The following DZIP1L variants were observed in gnomAD, a reference collection of about 807,000 sequenced individuals.
DZIP1L encodes DAZ interacting zinc finger protein 1 like, also known as cilium assembly protein DZIP1L.
In DZIP1L, 90 loss-of-function variants were observed where a neutral mutation model predicts 88.7. The observed-to-expected ratio is 1.02, with a 90% CI of 0.86 to 1.21. The LOEUF is 1.21. Among genes scored for constraint, DZIP1L ranks in the 50% most tolerant of loss-of-function variants. The probability of loss-of-function intolerance (pLI) is 0.00; values close to 1 mark genes in which losing one functional copy is unlikely to be tolerated. For missense variants in DZIP1L, 932 were observed against 955.8 expected (o/e 0.98, Z 0.33); for synonymous variants, 363 against 372.1 (o/e 0.98, Z 0.28).
chr3:138,108,628 C>T (rs1190310527), intron 1 of DZIP1L, among the ~76,000 whole-genome samples: 4 of 152,298 alleles, frequency 2.6e-5, no homozygotes, highest in East Asian at 3.9e-4. Flanking sequence ...CTACTATAGG[C>T]TTGCTCTAGG....
chr3:138,113,048 C>T (rs1379973490), intron 1 of DZIP1L, among the ~76,000 whole-genome samples: 1 of 152,210 alleles, frequency 6.6e-6, no homozygotes, highest in Non-Finnish European at 1.5e-5. Context: ...ACTTCCCATT[C>T]CTAGACCAAT....
At chr3:138,104,299 G>A (rs1046334716) in intron 1 of DZIP1L, among the ~76,000 whole-genome samples, 17 of 152,226 alleles carry the variant, frequency 1.1e-4, no homozygotes, top group Non-Finnish European at 1.3e-4. Flanking sequence ...TGTGTCTAAG[G>A]AGGAACATGG....
At chr3:138,086,288 G>A (rs1195214666) in intron 7 of DZIP1L, among the ~76,000 whole-genome samples, 1 of 151,126 alleles carries the variant, frequency 6.6e-6, no homozygotes, top group Non-Finnish European at 1.5e-5. Context: ...AAAAGAAAAT[G>A]CTTCAGATAA....
intron 11 of DZIP1L, among the ~76,000 whole-genome samples, chr3:138,075,181 A>AG (rs1943346683): frequency 6.6e-6 from 1 of 152,264 alleles, no homozygotes; most frequent in Admixed American, 6.5e-5. Context: ...CGAAGAAATG[A>AG]GATAGACAGC....
chr3:138,109,388 T>A (rs1221952762), intron 1 of DZIP1L, among the ~76,000 whole-genome samples: 1 of 152,198 alleles, frequency 6.6e-6, no homozygotes. Flanking sequence ...CTGGCTCCAG[T>A]CTGGGCTAGC....
chr3:138,076,961 T>C (rs1019720290), intron 11 of DZIP1L, among the ~76,000 whole-genome samples: 1 of 152,032 alleles, frequency 6.6e-6, no homozygotes, highest in Non-Finnish European at 1.5e-5. Context: ...CATACATACA[T>C]GTATATACAT....
Position 138,095,974 on chromosome 3 carries a change from T to C in DZIP1L, c.587-991A>G, listed in dbSNP as rs574852811. 3.3e-5 allele frequency among the ~76,000 whole-genome samples: 5 copies of C among 152,330 alleles called. No homozygotes were observed. In the South Asian group the frequency reaches 6.2e-4, roughly 19 times the overall value. On this transcript the variant is annotated intron_variant, in intron 3 of 15. Transcript: ENST00000327532. The stretch of plus-strand genomic sequence containing the variant: ...TAAGGGTCAAAAAAGAATACAATTA[T>C]TCTTGAACATTTGTTACTTTTTAAA...
chr3:138,096,148 T>A (rs902147033), intron 3 of DZIP1L, among the ~76,000 whole-genome samples: 3 of 152,210 alleles, frequency 2.0e-5, no homozygotes, highest in Non-Finnish European at 4.4e-5. Context: ...AATAACATGA[T>A]TTGAGGCGAC....
rs1438500703 is a variant in DZIP1L at position 138,103,980 on chromosome 3, G to A, written c.-9C>T. 7 of 1,605,364 alleles carry A rather than the reference G, an allele frequency of 4.4e-6. No homozygotes were observed. The highest frequency in any genetic ancestry group is 2.7e-5 in the African/African-American group (2 of 74,984). ...GCAGCTGGGGACTGCATGGGCAGAG[G>A]AAGCCCTGAGCTGACCACCAGAGGA... On this transcript the variant is annotated 5_prime_UTR_variant, in exon 2 of 16. Transcript: ENST00000327532.
At chr3:138,092,348 C>A (rs1278386159) in intron 5 of DZIP1L, 35 bp downstream of exon 5, 2 of 1,490,064 alleles carry the variant, frequency 1.3e-6, no homozygotes, top group Non-Finnish European at 8.9e-7. Context: ...AGATTTCCAA[C>A]AAAGAAACTT....
intron 1 of DZIP1L, among the ~76,000 whole-genome samples, chr3:138,105,593 A>C (rs2042458804): frequency 6.6e-6 from 1 of 152,136 alleles, no homozygotes; most frequent in Non-Finnish European, 1.5e-5. Flanking sequence ...ATACTTAATT[A>C]TTTAGGAATA....
At chr3:138,068,121 T>C in intron 13 of DZIP1L, 30 bp downstream of exon 13, 1 of 1,454,558 alleles carries the variant, frequency 6.9e-7, no homozygotes, top group Non-Finnish European at 9.1e-7. Flanking sequence ...CCACTGCAGG[T>C]GGGGTGAGAG....
At chr3:138,101,703 A>G (rs1258741636) in intron 2 of DZIP1L, 12 of 817,386 alleles carry the variant, frequency 1.5e-5, no homozygotes, top group African/African-American at 3.3e-5. Context: ...TTGTATGGAT[A>G]CTTGTGTTCT....
chr3:138,097,605 G>GCCC (rs1944538774), intron 3 of DZIP1L, among the ~76,000 whole-genome samples, 158 bp downstream of exon 3: 3 of 152,204 alleles, frequency 2.0e-5, no homozygotes, highest in African/African-American at 7.2e-5. Flanking sequence ...ACCCATGTGG[G>GCCC]CTCCCCCGGT....
intron 3 of DZIP1L, among the ~76,000 whole-genome samples, chr3:138,095,697 G>A (rs933281628): frequency 6.6e-5 from 10 of 151,992 alleles, no homozygotes; most frequent in African/African-American, 1.9e-4. Flanking sequence ...CAAAAGAATC[G>A]CTTGAACCCA....
intron 5 of DZIP1L, 66 bp downstream of exon 5, chr3:138,092,317 T>A (rs1480357384): frequency 2.1e-6 from 3 of 1,453,426 alleles, no homozygotes; most frequent in Non-Finnish European, 9.1e-7. Flanking sequence ...CAGTACAAAC[T>A]AAGAAATTTT....
chr3:138,091,102 C>CA (rs1258982185), intron 5 of DZIP1L, among the ~76,000 whole-genome samples: 3 of 151,586 alleles, frequency 2.0e-5, no homozygotes, highest in African/African-American at 7.3e-5. Flanking sequence ...CATGCTGAAC[C>CA]ACCCACCTTG....
intron 1 of DZIP1L, among the ~76,000 whole-genome samples, chr3:138,110,199 G>A (rs56057913): frequency 0.096 from 14,619 of 151,930 alleles, 1,326 homozygotes; most frequent in African/African-American, 0.24. Flanking sequence ...ACTATCACAA[G>A]GACAGAAAAT....
intron 1 of DZIP1L, among the ~76,000 whole-genome samples, chr3:138,111,073 C>T (rs1421874938): frequency 6.6e-6 from 1 of 152,228 alleles, no homozygotes; most frequent in East Asian, 1.9e-4. Context: ...CTCCCCCACT[C>T]CCCTGGCTGT....
Sources: gnomAD v4.1 joint callset for allele counts (sites outside exome capture counted in the v4.1 genomes callset) on GRCh38, gnomAD v4.1.1 for gene constraint, MANE v1.5 for transcripts, NCBI Gene and HGNC (gene_info 2026-07-23, HGNC 2026-07-21) for gene names.